The following SMAD6 variants were observed in gnomAD, a reference collection of about 807,000 sequenced individuals.
The protein encoded by SMAD6 is SMAD family member 6, also known as MAD homolog 6.
SMAD6 carries 103 observed loss-of-function variants against 39.4 expected under a neutral mutation model. The observed-to-expected ratio is 2.62, with a 90% confidence interval of 2.23 to 3.08. The LOEUF is 3.08. SMAD6 is among the 30% of genes most tolerant of loss of function. SMAD6 has a pLI of 0.00. For synonymous variants in SMAD6, 445 were observed against 353.3 expected (o/e 1.26, Z -2.91); for missense variants, 1,104 against 742.9 (o/e 1.49, Z -5.65).
chr15:66,711,183 A>G (rs570245917), intron 1 of SMAD6, among the ~76,000 whole-genome samples: 1 of 152,208 alleles, frequency 6.6e-6, no homozygotes, highest in Non-Finnish European at 1.5e-5. Context: ...AAATGATGCC[A>G]TGTTTATCCA....
At chr15:66,776,213 CA>C (rs1399324305) in intron 3 of SMAD6, among the ~76,000 whole-genome samples, 1 of 152,218 alleles carries the variant, frequency 6.6e-6, no homozygotes, top group Non-Finnish European at 1.5e-5. Flanking sequence ...AGGGCCTTGT[CA>C]TCCACAGTCC....
chr15:66,776,309 A>G (rs889851802), intron 3 of SMAD6, among the ~76,000 whole-genome samples: 4 of 152,192 alleles, frequency 2.6e-5, no homozygotes, highest in Non-Finnish European at 4.4e-5. Flanking sequence ...TAAGGCCAAC[A>G]CTGGAGCCCG....
chr15:66,772,220 G>A (rs1595799447), intron 3 of SMAD6, among the ~76,000 whole-genome samples: 1 of 152,240 alleles, frequency 6.6e-6, no homozygotes, highest in East Asian at 1.9e-4. Flanking sequence ...AGCCTAGATA[G>A]ATGGAAGCTC....
chr15:66,731,307 G>A (rs1034888374), intron 3 of SMAD6, among the ~76,000 whole-genome samples: 1 of 150,902 alleles, frequency 6.6e-6, no homozygotes, highest in Admixed American at 6.6e-5. Flanking sequence ...GCGTAGTGGC[G>A]GGCGCCTGTA....
Position 66,782,043 on chromosome 15 carries a change from A to T in SMAD6, c.*508A>T, listed in dbSNP as rs532749910. ...AGAGGGGCAGGTAGGGCTTCAGCGGATTTCTGACCCATCATGTACCTTGAA... is the reference window on the plus strand; with the variant it reads ...AGAGGGGCAGGTAGGGCTTCAGCGGTTTTCTGACCCATCATGTACCTTGAA... On this transcript the variant is annotated 3_prime_UTR_variant, in exon 4 of 4. Transcript: ENST00000288840. 2 of 398,332 alleles carry T rather than the reference A, an allele frequency of 5.0e-6. No homozygotes were observed. The highest frequency in any genetic ancestry group is 8.8e-5 in the Admixed American group (2 of 22,706). 24.7% of individuals were successfully genotyped at this position (398,332 alleles called of 1,614,324 possible). A position where few individuals can be genotyped will look rare whatever the true frequency, so the allele number is the denominator to read the frequency against.
Position 66,703,276 on chromosome 15 carries a change from C to G in SMAD6, c.18C>G (p.Arg6=). 2.0e-6 allele frequency: 3 copies of G among 1,485,052 alleles called. No homozygotes were observed. The highest frequency in any genetic ancestry group is 1.3e-5 in the South Asian group (1 of 77,364). The allele number at this position is 1,485,052 out of a possible 1,614,324, so 92.0% of individuals were successfully genotyped here. A position where few individuals can be genotyped will look rare whatever the true frequency, so the allele number is the denominator to read the frequency against. MFRSK[R]SGLVRRLWRS... ...GATATCGTATGTTCAGGTCCAAACGCTCGGGGCTGGTGCGGCGACTTTGGC... is the reference window on the plus strand; with the variant it reads ...GATATCGTATGTTCAGGTCCAAACGGTCGGGGCTGGTGCGGCGACTTTGGC... Residue 6 remains arginine, a synonymous_variant, in exon 1 of 4, where the codon CGC becomes CGG. Transcript: ENST00000288840.
chr15:66,743,311 G>T (rs1317665964), intron 3 of SMAD6, among the ~76,000 whole-genome samples: 1 of 152,172 alleles, frequency 6.6e-6, no homozygotes, highest in Non-Finnish European at 1.5e-5. Flanking sequence ...GGCTGACTCG[G>T]ACTGCATTCT....
At chr15:66,763,743 C>A (rs1301473111) in intron 3 of SMAD6, among the ~76,000 whole-genome samples, 1 of 152,246 alleles carries the variant, frequency 6.6e-6, no homozygotes, top group Non-Finnish European at 1.5e-5. Context: ...CACAAACAGG[C>A]TGTCCTTGGT....
At chr15:66,777,273 G>A (rs967807458) in intron 3 of SMAD6, among the ~76,000 whole-genome samples, 5 of 152,214 alleles carry the variant, frequency 3.3e-5, no homozygotes, top group South Asian at 2.1e-4. Flanking sequence ...CCACGCTTCA[G>A]TGCCCTAGGG....
At chr15:66,734,869 G>A (rs1000045247) in intron 3 of SMAD6, among the ~76,000 whole-genome samples, 1 of 152,220 alleles carries the variant, frequency 6.6e-6, no homozygotes, top group African/African-American at 2.4e-5. Context: ...TTTATGTTAT[G>A]TGTATTTTAC....
chr15:66,743,065 C>A (rs1459913655), intron 3 of SMAD6, among the ~76,000 whole-genome samples: 1 of 152,144 alleles, frequency 6.6e-6, no homozygotes, highest in East Asian at 1.9e-4. Context: ...TTTATAGCCC[C>A]GCCCTGCCAT....
intron 3 of SMAD6, among the ~76,000 whole-genome samples, chr15:66,731,382 G>C (rs1279861123): frequency 6.8e-6 from 1 of 147,732 alleles, no homozygotes; most frequent in Non-Finnish European, 1.5e-5. Flanking sequence ...AGCTTGCAGT[G>C]AGCCGAGATC....
intron 3 of SMAD6, among the ~76,000 whole-genome samples, chr15:66,725,015 C>T (rs1893498104): frequency 1.3e-5 from 2 of 152,170 alleles, no homozygotes; most frequent in South Asian, 2.1e-4. Context: ...GCTCTAGGGT[C>T]CCCCTCCTCC....
At position 66,703,570 on chromosome 15, in the gene SMAD6, G is replaced by A; in HGVS notation, c.312G>A (p.Leu104=). 8.2e-7 allele frequency: 1 copy of A among 1,225,392 alleles called. No homozygotes were observed. Among genetic ancestry groups the A allele is most frequent in the Non-Finnish European group, 1.0e-6 (1 of 981,074 alleles). The allele number at this position is 1,225,392 out of a possible 1,614,324, so 75.9% of individuals were successfully genotyped here. The change falls in exon 1 of 4, where the codon CTG becomes CTA. Residue 104 remains leucine, a synonymous_variant. Coordinates refer to ENST00000288840, the MANE Select transcript of SMAD6 (RefSeq NM_005585.5). ...CAGGGGCCGGCGCTGGGAGCTCCCTGCTGGACGTGGCGGAGCCGGGAGGCC... is the reference window on the plus strand; with the variant it reads ...CAGGGGCCGGCGCTGGGAGCTCCCTACTGGACGTGGCGGAGCCGGGAGGCC... The part of the protein sequence containing the change: ...SEPGAGAGSS[L]LDVAEPGGPG...
chr15:66,705,228 A>T (rs539238908), intron 1 of SMAD6: 2 of 152,098 alleles, frequency 1.3e-5, no homozygotes, highest in Non-Finnish European at 2.9e-5. Flanking sequence ...TGGGTCTAGG[A>T]TGGTGCATTT....
At chr15:66,757,133 C>T (rs568011936) in intron 3 of SMAD6, among the ~76,000 whole-genome samples, 14 of 152,310 alleles carry the variant, frequency 9.2e-5, no homozygotes, top group African/African-American at 3.4e-4. Context: ...TAGTCCTCGT[C>T]TCCCGTTCAT....
chr15:66,734,905 G>A (rs780462755), intron 3 of SMAD6, among the ~76,000 whole-genome samples: 9 of 152,232 alleles, frequency 5.9e-5, no homozygotes, highest in Non-Finnish European at 1.2e-4. Context: ...AAGCTGTTGT[G>A]CCTTCCATGC....
At chr15:66,716,959 G>A in intron 3 of SMAD6, 1 of 1,286,392 alleles carries the variant, frequency 7.8e-7, no homozygotes, top group Non-Finnish European at 1.0e-6. Context: ...GGGAGGATCT[G>A]GCAAGTGAGG....
At chr15:66,772,308 A>T (rs1567113381) in intron 3 of SMAD6, among the ~76,000 whole-genome samples, 1 of 152,228 alleles carries the variant, frequency 6.6e-6, no homozygotes. Context: ...CCCTCATCTT[A>T]AGATGGGAGA....
Sources: gnomAD v4.1 joint callset for allele counts (sites outside exome capture counted in the v4.1 genomes callset) on GRCh38, gnomAD v4.1.1 for gene constraint, MANE v1.5 for transcripts, NCBI Gene and HGNC (gene_info 2026-07-23, HGNC 2026-07-21) for gene names.